Variants in TBL1XR1 observed in about 807,000 individuals in gnomAD.
The protein encoded by TBL1XR1 is TBL1X/Y related 1, also known as F-box-like/WD repeat-containing protein TBL1XR1.
TBL1XR1 carries 5 observed loss-of-function variants against 66.9 expected under a neutral mutation model. That is an observed-to-expected ratio of 0.07 (90% CI 0.04 to 0.16). The LOEUF is 0.16. Among genes scored for constraint, TBL1XR1 ranks in the 10% least tolerant of loss-of-function variants. TBL1XR1 has a pLI of 1.00. For missense variants in TBL1XR1, 238 were observed against 623.2 expected, an observed-to-expected ratio of 0.38 and a Z score of 6.58; for synonymous variants, 210 against 206.0, an observed-to-expected ratio of 1.02 and a Z score of -0.17.
chr3:177,151,046 T>C (rs967817076), intron 1 of TBL1XR1, among the ~76,000 whole-genome samples: 4 of 152,176 alleles, frequency 2.6e-5, no homozygotes, highest in African/African-American at 4.8e-5. Flanking sequence ...TAAAAACACA[T>C]AGAATCACAG....
intron 1 of TBL1XR1, among the ~76,000 whole-genome samples, chr3:177,194,388 T>C (rs1006946852): frequency 6.6e-6 from 1 of 152,238 alleles, no homozygotes; most frequent in African/African-American, 2.4e-5. Context: ...TTCTAGTGAA[T>C]ACCAATGTTT....
intron 12 of TBL1XR1, among the ~76,000 whole-genome samples, chr3:177,035,431 T>G (rs1714638287): frequency 1.3e-5 from 2 of 150,982 alleles, no homozygotes; most frequent in Non-Finnish European, 3.0e-5. Flanking sequence ...TTTTTTTTTT[T>G]GGAGATGAAG....
chr3:177,164,076 T>C (rs1025810207), intron 1 of TBL1XR1: 3 of 152,232 alleles, frequency 2.0e-5, no homozygotes, highest in Admixed American at 6.5e-5. Context: ...CAGCAGATTA[T>C]ACGCCCTTCT....
At chr3:177,100,799 T>C (rs1724103031) in intron 1 of TBL1XR1, among the ~76,000 whole-genome samples, 2 of 152,096 alleles carry the variant, frequency 1.3e-5, no homozygotes, top group Admixed American at 6.6e-5. Flanking sequence ...GATTAGATAA[T>C]AGCAAGTGAA....
intron 14 of TBL1XR1, among the ~76,000 whole-genome samples, chr3:177,030,137 G>T (rs556361423): frequency 2.8e-3 from 426 of 151,728 alleles, no homozygotes; most frequent in African/African-American, 9.5e-3. Context: ...TATATAGAGA[G>T]AGAGAGAGAG....
At chr3:177,086,262 A>G (rs1722106285) in intron 2 of TBL1XR1, among the ~76,000 whole-genome samples, 1 of 152,072 alleles carries the variant, frequency 6.6e-6, no homozygotes, top group East Asian at 1.9e-4. Flanking sequence ...TAAAATTGAG[A>G]TATTTTACTT....
At chr3:177,159,902 AT>A (rs1269482638) in intron 1 of TBL1XR1, among the ~76,000 whole-genome samples, 3 of 152,166 alleles carry the variant, frequency 2.0e-5, no homozygotes, top group African/African-American at 7.2e-5. Context: ...TTGTTTAAAA[AT>A]TTTTTAAGCT....
chr3:177,159,325 A>G (rs756097861), intron 1 of TBL1XR1, among the ~76,000 whole-genome samples: 1 of 152,208 alleles, frequency 6.6e-6, no homozygotes, highest in Non-Finnish European at 1.5e-5. Context: ...TGGTAAGGAA[A>G]TTACCACTTA....
chr3:177,091,158 CG>C (rs376017799), intron 2 of TBL1XR1: 24 of 152,004 alleles, frequency 1.6e-4, no homozygotes, highest in African/African-American at 5.3e-4. Context: ...TACTTTAAAA[CG>C]TAATACTTAG....
chr3:177,115,960 A>G (rs776348777), intron 1 of TBL1XR1, among the ~76,000 whole-genome samples: 7 of 152,152 alleles, frequency 4.6e-5, no homozygotes, highest in Non-Finnish European at 8.8e-5. Flanking sequence ...CTAGGGAAGG[A>G]ATGAGGAGGC....
intron 12 of TBL1XR1, 34 bp downstream of exon 12, chr3:177,038,064 C>T (rs764427001): frequency 2.1e-5 from 34 of 1,599,850 alleles, no homozygotes; most frequent in Non-Finnish European, 2.9e-5. Flanking sequence ...CTGTGTGACA[C>T]CGCCAACCCA....
At chr3:177,084,098 AAAAAGAAAAAAG>A (rs1721817404) in intron 2 of TBL1XR1, among the ~76,000 whole-genome samples, 1 of 150,586 alleles carries the variant, frequency 6.6e-6, no homozygotes, top group Admixed American at 6.7e-5. Flanking sequence ...AAAAAAAAAA[AAAAAGAAAAAAG>A]AAAAGAAAAG....
At chr3:177,080,657 A>G (rs13083920) in intron 2 of TBL1XR1, among the ~76,000 whole-genome samples, 12 of 152,114 alleles carry the variant, frequency 7.9e-5, no homozygotes, top group Non-Finnish European at 1.8e-4. Flanking sequence ...ACACAGAAAC[A>G]TTTTTTTAAA....
intron 1 of TBL1XR1, among the ~76,000 whole-genome samples, chr3:177,186,308 T>C (rs1300142290): frequency 6.6e-6 from 1 of 152,238 alleles, no homozygotes; most frequent in African/African-American, 2.4e-5. Context: ...TATTACATTG[T>C]TATATGAATG....
At chr3:177,183,754 T>C (rs1050218555) in intron 1 of TBL1XR1, among the ~76,000 whole-genome samples, 14 of 150,922 alleles carry the variant, frequency 9.3e-5, no homozygotes, top group Non-Finnish European at 1.8e-4. Context: ...CATGAGCCAC[T>C]GCGCCCGACC....
intron 12 of TBL1XR1, among the ~76,000 whole-genome samples, chr3:177,036,551 T>G (rs1218345696): frequency 6.6e-6 from 1 of 152,256 alleles, no homozygotes; most frequent in Non-Finnish European, 1.5e-5. Flanking sequence ...CTCTGGACAC[T>G]GCCCTTCTGT....
intron 1 of TBL1XR1, among the ~76,000 whole-genome samples, chr3:177,182,204 T>G (rs1430492626): frequency 1.3e-5 from 2 of 151,780 alleles, no homozygotes; most frequent in Admixed American, 6.6e-5. Flanking sequence ...CTGGGCAACA[T>G]AGTGAGACCC....
intron 1 of TBL1XR1, among the ~76,000 whole-genome samples, chr3:177,114,004 G>A (rs1299608516): frequency 6.6e-6 from 1 of 152,114 alleles, no homozygotes; most frequent in African/African-American, 2.4e-5. Flanking sequence ...CTGGGTAAAT[G>A]TTGGTCAAAG....
intron 3 of TBL1XR1, among the ~76,000 whole-genome samples, chr3:177,058,520 G>A (rs1718095876): frequency 6.6e-6 from 1 of 152,140 alleles, no homozygotes; most frequent in African/African-American, 2.4e-5. Flanking sequence ...TCACGCCATA[G>A]CTGGACCTTC....
Sources: gnomAD v4.1 joint callset for allele counts (sites outside exome capture counted in the v4.1 genomes callset) on GRCh38, gnomAD v4.1.1 for gene constraint, MANE v1.5 for transcripts, NCBI Gene and HGNC (gene_info 2026-07-23, HGNC 2026-07-21) for gene names.